The following DPP8 variants were observed in gnomAD, a reference collection of about 807,000 sequenced individuals.
DPP8 encodes DPP VIII.
A neutral mutation model predicts 107.5 loss-of-function variants in DPP8; 31 were observed. That is an observed-to-expected ratio of 0.29 (90% CI 0.22 to 0.39). DPP8 has a LOEUF of 0.39. Ranked by LOEUF, DPP8 falls within the 10% of genes least tolerant of loss-of-function variation. DPP8 has a pLI of 1.00. For missense variants in DPP8, 842 were observed against 1,076.1 expected (o/e 0.78, Z 3.04); for synonymous variants, 381 against 356.6 (o/e 1.07, Z -0.77).
At chr15:65,488,532 C>T (rs548755442) in intron 6 of DPP8, among the ~76,000 whole-genome samples, 218 of 144,224 alleles carry the variant, frequency 1.5e-3, no homozygotes, top group African/African-American at 5.4e-3. Context: ...TGCTTGAGCC[C>T]GGGAGGCAGA....
Position 65,494,149 on chromosome 15 carries a change from C to CTTTTTTTTTT in DPP8, c.715+3705_715+3714dup, listed in dbSNP as rs542314824. 2.8e-4 allele frequency among the ~76,000 whole-genome samples: 34 copies of CTTTTTTTTTT among 123,252 alleles called. 1 individual carries two copies. The highest frequency in any genetic ancestry group is 9.9e-4 in the African/African-American group (29 of 29,422). The allele number at this position is 123,252 out of a possible 152,430, so 80.9% of individuals were successfully genotyped here. A position where few individuals can be genotyped will look rare whatever the true frequency, so the allele number is the denominator to read the frequency against. ...TTGAAATTCAAACCGGTTCTATATC[C>CTTTTTTTTTT]TTTTTTTTTTTTTTAGAGACAGGGT... On this transcript the variant is annotated intron_variant, in intron 5 of 19. Coordinates refer to ENST00000300141, the MANE Select transcript of DPP8 (RefSeq NM_130434.5).
intron 6 of DPP8, among the ~76,000 whole-genome samples, chr15:65,489,844 C>T (rs956787383): frequency 4.0e-5 from 6 of 151,880 alleles, no homozygotes; most frequent in Middle Eastern, 3.2e-3. Context: ...CAGCCTCCCG[C>T]GTAGCTGGGA....
chr15:65,503,263 T>C lies in DPP8; in HGVS notation c.373-2484A>G, dbSNP rs138554522. 2.2e-3 allele frequency among the ~76,000 whole-genome samples: 330 copies of C among 151,650 alleles called. 1 individual carries two copies. The highest frequency in any genetic ancestry group is 8.8e-3 in the Admixed American group (134 of 15,238). On this transcript the variant is annotated intron_variant, in intron 3 of 19. Transcript: ENST00000300141. ...CTGGGATTATATGCATGCACAACCA[T>C]GCTCGGCTAATTTTGTATTTTTAGT...
At chr15:65,474,416 C>A in intron 11 of DPP8, 128 bp from the exon 12 acceptor site, 1 of 663,744 alleles carries the variant, frequency 1.5e-6, no homozygotes, top group Non-Finnish European at 2.6e-6. Context: ...TGTTTTGGAA[C>A]TAGACAGAGA....
Position 65,489,491 on chromosome 15 carries a change from G to GC in DPP8, c.826+697dup, listed in dbSNP as rs532383491. On this transcript the variant is annotated intron_variant, in intron 6 of 19. Transcript: ENST00000300141. ...TGCAGTGGCGTGATCTTGGCTCATT[G>GC]CAAGCTCCACCTCCCAGGTTCACGT... Among the ~76,000 whole-genome samples, 20 of 133,982 alleles carry GC rather than the reference G, an allele frequency of 1.5e-4. No individual in the cohort carries two copies. The South Asian group carries it at 3.0e-3, about 20-fold the overall frequency. The allele number at this position is 133,982 out of a possible 152,430, so 87.9% of individuals were successfully genotyped here.
chr15:65,459,991 A>G lies in DPP8; in HGVS notation c.1972-3620T>C, dbSNP rs150865717. On this transcript the variant is annotated intron_variant, in intron 15 of 19. Coordinates refer to ENST00000300141, the MANE Select transcript of DPP8 (RefSeq NM_130434.5). ...AATTGTTTTAATTGAATTGGCTAAC[A>G]TTTTTTAAATTATGGTAAAATATAT... Among the ~76,000 whole-genome samples the G allele has an allele frequency of 2.6e-3, 389 of 152,182 alleles. 1 individual carries two copies. Among genetic ancestry groups the G allele is most frequent in the African/African-American group, 9.0e-3 (375 of 41,530 alleles).
At chr15:65,484,161 T>C (rs972871133) in intron 8 of DPP8, among the ~76,000 whole-genome samples, 11 of 151,964 alleles carry the variant, frequency 7.2e-5, no homozygotes, top group African/African-American at 2.7e-4. Flanking sequence ...ACCCCGTCTC[T>C]ACTAAAAATA....
At chr15:65,500,371 C>T (rs563228198) in intron 4 of DPP8, among the ~76,000 whole-genome samples, 4 of 151,614 alleles carry the variant, frequency 2.6e-5, no homozygotes, top group Non-Finnish European at 4.4e-5. Context: ...TGAGCCAAGA[C>T]GGCACCATTG....
chr15:65,482,156 C>T (rs2066989369), intron 8 of DPP8, among the ~76,000 whole-genome samples: 1 of 152,012 alleles, frequency 6.6e-6, no homozygotes, highest in Non-Finnish European at 1.5e-5. Flanking sequence ...CCTCAGCCTC[C>T]TGAGTAGCTG....
intron 12 of DPP8, among the ~76,000 whole-genome samples, chr15:65,468,659 G>A (rs1177778063): frequency 6.6e-6 from 1 of 152,092 alleles, no homozygotes; most frequent in African/African-American, 2.4e-5. Context: ...TTGGGATTAA[G>A]TAGGCCCACA....
chr15:65,499,659 G>C (rs552424472), intron 4 of DPP8, among the ~76,000 whole-genome samples: 69 of 152,194 alleles, frequency 4.5e-4, no homozygotes, highest in African/African-American at 1.6e-3. Context: ...CCGCCTCCCA[G>C]GCTCAAATGA....
chr15:65,463,071 T>C (rs780166489), intron 15 of DPP8, among the ~76,000 whole-genome samples: 1 of 152,252 alleles, frequency 6.6e-6, no homozygotes, highest in Admixed American at 6.5e-5. Flanking sequence ...GAGAATTCAC[T>C]AGGCTACCAA....
rs2068922669 is a variant in DPP8, at chr15:65,499,107, A to ATG, written c.547-1076_547-1075insCA. 3.1e-4 allele frequency among the ~76,000 whole-genome samples: 16 copies of ATG among 52,244 alleles called. No homozygotes were observed. In the Admixed American group the frequency reaches 3.2e-3, roughly 11 times the overall value. The allele number at this position is 52,244 out of a possible 152,430, so 34.3% of individuals were successfully genotyped here. A position where few individuals can be genotyped will look rare whatever the true frequency, so the allele number is the denominator to read the frequency against. ...TGTGTGTGTGTGTGTGTGTGTGTGT[A>ATG]TATATAAATTTATTAAGATGAATTA... On this transcript the variant is annotated intron_variant, in intron 4 of 19. Transcript: ENST00000300141.
chr15:65,454,485 G>T, intron 16 of DPP8, 70 bp from the exon 17 acceptor site: 1 of 1,374,594 alleles, frequency 7.3e-7, no homozygotes, highest in Non-Finnish European at 9.8e-7. Context: ...TTTCAAAGAT[G>T]ATAAATGTTT....
intron 15 of DPP8, among the ~76,000 whole-genome samples, chr15:65,459,775 T>G (rs1451208395): frequency 6.6e-6 from 1 of 151,908 alleles, no homozygotes; most frequent in African/African-American, 2.4e-5. Flanking sequence ...GCCAACATGG[T>G]GAAACCCCAT....
At chr15:65,448,188 G>A (rs78718018) in intron 19 of DPP8, among the ~76,000 whole-genome samples, 1 of 151,558 alleles carries the variant, frequency 6.6e-6, no homozygotes, top group Admixed American at 6.6e-5. Context: ...AGTTTGAAAC[G>A]AGCCCAGGAA....
chr15:65,496,075 C>T (rs1284444996), intron 5 of DPP8, among the ~76,000 whole-genome samples: 2 of 151,730 alleles, frequency 1.3e-5, no homozygotes, highest in Non-Finnish European at 2.9e-5. Flanking sequence ...GCTCCGCCTC[C>T]TGGGTTCACA....
chr15:65,472,078 C>A (rs2065945327), intron 12 of DPP8, among the ~76,000 whole-genome samples: 2 of 152,052 alleles, frequency 1.3e-5, no homozygotes, highest in African/African-American at 4.8e-5. Context: ...TTCAAAAACG[C>A]AATTTTTTTT....
intron 18 of DPP8, 67 bp downstream of exon 18, chr15:65,451,893 C>T: frequency 6.8e-7 from 1 of 1,460,864 alleles, no homozygotes; most frequent in Non-Finnish European, 9.1e-7. Context: ...CCACTACACT[C>T]CAGCCTAAGT....
Sources: gnomAD v4.1 joint callset for allele counts (sites outside exome capture counted in the v4.1 genomes callset) on GRCh38, gnomAD v4.1.1 for gene constraint, MANE v1.5 for transcripts, NCBI Gene and HGNC (gene_info 2026-07-23, HGNC 2026-07-21) for gene names.